The following RANBP9 variants were observed in gnomAD, a reference collection of about 807,000 sequenced individuals.
RANBP9 encodes ran-binding protein 9.
Under a neutral mutation model 84.3 loss-of-function variants are expected in RANBP9, and 15 were observed. The observed-to-expected ratio is 0.18, with a 90% CI of 0.12 to 0.27. The LOEUF is 0.27. Ranked by LOEUF, RANBP9 falls within the 10% of genes least tolerant of loss-of-function variation. The probability of loss-of-function intolerance (pLI) is 1.00; values close to 1 mark genes in which losing one functional copy is unlikely to be tolerated. For synonymous variants in RANBP9, 392 were observed against 349.6 expected (o/e 1.12, Z -1.35); for missense variants, 809 against 912.8 (o/e 0.89, Z 1.46).
At chr6:13,647,812 G>T (rs1294946585) in intron 5 of RANBP9, among the ~76,000 whole-genome samples, 2 of 152,074 alleles carry the variant, frequency 1.3e-5, no homozygotes, top group Non-Finnish European at 2.9e-5. Context: ...TGAAAAGTAA[G>T]TATAATTGTT....
intron 2 of RANBP9, among the ~76,000 whole-genome samples, chr6:13,683,743 G>A (rs1766099915): frequency 6.6e-6 from 1 of 150,898 alleles, no homozygotes; most frequent in Admixed American, 6.6e-5. Context: ...CATTAAGAAT[G>A]CATTACCTTG....
At chr6:13,705,875 A>AAAAAAAAAAAAAAAG (rs1554107633) in intron 1 of RANBP9, among the ~76,000 whole-genome samples, 1 of 150,178 alleles carries the variant, frequency 6.7e-6, no homozygotes, top group African/African-American at 2.5e-5. Context: ...TCTCAAAAAA[A>AAAAAAAAAAAAAAAG]AAAAAAAAAA....
intron 2 of RANBP9, among the ~76,000 whole-genome samples, chr6:13,664,273 A>G (rs1765598243): frequency 6.6e-6 from 1 of 152,130 alleles, no homozygotes; most frequent in South Asian, 2.1e-4. Context: ...ATCAGAAAAC[A>G]TAAAACATCG....
At chr6:13,668,760 A>G (rs1765708083) in intron 2 of RANBP9, among the ~76,000 whole-genome samples, 1 of 152,158 alleles carries the variant, frequency 6.6e-6, no homozygotes, top group Admixed American at 6.5e-5. Flanking sequence ...CATCTATGAA[A>G]AATCCCCAGC....
rs1758298130 is a variant in RANBP9 at position 13,711,827 on chromosome 6, C to T, written c.-322G>A. 1.4e-5 allele frequency among the ~76,000 whole-genome samples: 2 copies of T among 145,306 alleles called. No homozygotes were observed. Among genetic ancestry groups the T allele is most frequent in the Non-Finnish European group, 1.5e-5 (1 of 65,492 alleles). ...GCGGCCGCCGCGGCCGCTGCTCTCGCGGCTGTTTCCCGGCGGGCGGGCCGG... is the reference window on the plus strand; with the variant it reads ...GCGGCCGCCGCGGCCGCTGCTCTCGTGGCTGTTTCCCGGCGGGCGGGCCGG... On this transcript the variant is annotated 5_prime_UTR_variant, in exon 1 of 14. Transcript: ENST00000011619.
rs188524155 is a variant in RANBP9, at chr6:13,646,211, A to C, written c.928-1482T>G. Among the ~76,000 whole-genome samples the C allele has an allele frequency of 2.3e-3, 348 of 152,220 alleles. 1 individual carries two copies. Among genetic ancestry groups the C allele is most frequent in the African/African-American group, 7.8e-3 (326 of 41,534 alleles). On this transcript the variant is annotated intron_variant, in intron 5 of 13. Transcript: ENST00000011619. The stretch of plus-strand genomic sequence containing the variant: ...GATCACCTCAGGTCAGGAGTACAAG[A>C]CCAGCCTGACCAACATGGTGAAACC...
intron 1 of RANBP9, among the ~76,000 whole-genome samples, chr6:13,706,432 C>A (rs1035787881): frequency 6.6e-6 from 1 of 152,124 alleles, no homozygotes; most frequent in African/African-American, 2.4e-5. Context: ...CTGTGGCTCA[C>A]GCCTGTAATC....
At chr6:13,648,844 C>G (rs1192328463) in intron 5 of RANBP9, among the ~76,000 whole-genome samples, 8 of 152,116 alleles carry the variant, frequency 5.3e-5, no homozygotes. Flanking sequence ...CAACAGCCTT[C>G]AATGTTTTTT....
intron 2 of RANBP9, among the ~76,000 whole-genome samples, chr6:13,666,970 A>G (rs192725452): frequency 1.3e-5 from 2 of 152,298 alleles, no homozygotes; most frequent in African/African-American, 2.4e-5. Flanking sequence ...GACACACAGT[A>G]AACTGAATAG....
At chr6:13,701,783 C>A (rs1226483255) in intron 1 of RANBP9, among the ~76,000 whole-genome samples, 2 of 150,926 alleles carry the variant, frequency 1.3e-5, no homozygotes, top group African/African-American at 4.9e-5. Flanking sequence ...AAAAAAAAAA[C>A]CAAAAAAACA....
chr6:13,667,616 C>A (rs1419583268), intron 2 of RANBP9, among the ~76,000 whole-genome samples: 1 of 152,100 alleles, frequency 6.6e-6, no homozygotes, highest in Non-Finnish European at 1.5e-5. Context: ...TTTACTGTAT[C>A]TTTCCTATGT....
Position 13,634,502 on chromosome 6 carries a change from G to A in RANBP9, c.1724C>T (p.Thr575Ile). The part of the protein sequence containing the change: ...TDHYSNGVGE[T>I]SSNGFLNGSS... ...ACCATTTAGGAAACCATTGGATGAAGTTTCTCCAACTCCATTGGAGTAGTG... is the reference window on the plus strand; with the variant it reads ...ACCATTTAGGAAACCATTGGATGAAATTTCTCCAACTCCATTGGAGTAGTG... Residue 575 changes from threonine to isoleucine, a missense_variant, in exon 11 of 14, where the codon ACT becomes ATT. This residue lies in a region of RANBP9 where 233 missense variants were observed against 234.4 expected (regional missense o/e 0.99). Coordinates refer to ENST00000011619, the MANE Select transcript of RANBP9 (RefSeq NM_005493.3). 4 of 1,613,380 alleles carry A rather than the reference G, an allele frequency of 2.5e-6. No individual in the cohort carries two copies. The highest frequency in any genetic ancestry group is 3.4e-6 in the Non-Finnish European group (4 of 1,179,486).
intron 8 of RANBP9, among the ~76,000 whole-genome samples, chr6:13,640,413 T>C (rs1765037865): frequency 6.6e-6 from 1 of 152,158 alleles, no homozygotes; most frequent in Non-Finnish European, 1.5e-5. Context: ...TCTGGGTATA[T>C]AACCAAAAAA....
chr6:13,703,368 A>T (rs1329034643), intron 1 of RANBP9, among the ~76,000 whole-genome samples: 5 of 152,112 alleles, frequency 3.3e-5, no homozygotes, highest in African/African-American at 4.8e-5. Context: ...TGACTCCTAA[A>T]TCAGTCACGA....
At chr6:13,690,447 T>C (rs1167340624) in intron 2 of RANBP9, among the ~76,000 whole-genome samples, 1 of 152,124 alleles carries the variant, frequency 6.6e-6, no homozygotes, top group Non-Finnish European at 1.5e-5. Flanking sequence ...AGAAAGACCT[T>C]TGTTCTCCTC....
chr6:13,705,435 A>AG (rs56951393), intron 1 of RANBP9, among the ~76,000 whole-genome samples: 5 of 148,422 alleles, frequency 3.4e-5, no homozygotes, highest in East Asian at 2.0e-4. Flanking sequence ...AAAAAAAAAA[A>AG]GAATATACAT....
In RANBP9 at chr6:13,696,839, G is replaced by A. The variant is rs2113357528; in HGVS notation, c.629C>T (p.Ala210Val). ...TTCAAAATAATAAATCCCACAGGCT[G>A]CTGGTATTGGATGCGTGGCTCGAAC... ...ASVRATHPIP[A>V]ACGIYYFEVK... Residue 210 changes from alanine (A) to valine (V), a missense_variant, in exon 2 of 14, where the codon GCA becomes GTA. This residue lies in a region of RANBP9 where 56 missense variants were observed against 88.2 expected (regional missense o/e 0.63). Coordinates refer to ENST00000011619, the MANE Select transcript of RANBP9 (RefSeq NM_005493.3). The A allele has an allele frequency of 1.9e-6, 3 of 1,613,268 alleles. No homozygotes were observed. The highest frequency in any genetic ancestry group is 2.5e-6 in the Non-Finnish European group (3 of 1,179,496).
intron 2 of RANBP9, among the ~76,000 whole-genome samples, chr6:13,679,352 T>C (rs921500631): frequency 2.0e-5 from 3 of 152,334 alleles, no homozygotes; most frequent in African/African-American, 4.8e-5. Flanking sequence ...TATTCATTTA[T>C]CCTGCCTTTT....
Position 13,635,014 on chromosome 6 carries a change from G to A in RANBP9, c.1674-462C>T, listed in dbSNP as rs149636720. On this transcript the variant is annotated intron_variant, in intron 10 of 13. Coordinates refer to ENST00000011619, the MANE Select transcript of RANBP9 (RefSeq NM_005493.3). Reference sequence around the variant, plus strand: ...CCTGGAACCCGCTTCACCTCGTTCCGGACCTCATACTCAATCCACTCCTAG... The same window carrying A: ...CCTGGAACCCGCTTCACCTCGTTCCAGACCTCATACTCAATCCACTCCTAG... Among the ~76,000 whole-genome samples the A allele has an allele frequency of 2.8e-4, 42 of 152,134 alleles. No individual in the cohort carries two copies. The East Asian group carries it at 5.2e-3, about 19-fold the overall frequency.
Sources: allele counts gnomAD v4.1 joint callset (sites outside exome capture counted in the v4.1 genomes callset), GRCh38; gene constraint gnomAD v4.1.1; regional missense constraint gnomAD v4.1.1; transcripts MANE v1.5; gene names NCBI Gene and HGNC (gene_info 2026-07-23, HGNC 2026-07-21).